NOXA1: variants seen among roughly 807,000 people sequenced by gnomAD.
The protein encoded by NOXA1 is NADPH oxidase activator 1.
A neutral mutation model predicts 64.8 loss-of-function variants in NOXA1; 56 were observed. The observed-to-expected ratio is 0.86, with a 90% CI of 0.70 to 1.08. The LOEUF (loss-of-function observed/expected upper bound fraction) is 1.08. Ranked by LOEUF, NOXA1 falls within the 50% of genes least tolerant of loss-of-function variation. NOXA1 has a pLI of 0.00. For synonymous variants in NOXA1, 295 were observed against 294.8 expected (o/e 1.00, Z -0.01); for missense variants, 668 against 658.5 (o/e 1.01, Z -0.16).
intron 3 of NOXA1, 92 bp from the exon 4 acceptor site, chr9:137,428,781 GGGGCTGGGT>G: frequency 7.9e-7 from 1 of 1,258,940 alleles, no homozygotes. Flanking sequence ...GACTGGGGGA[GGGGCTGGGT>G]GGGCAGACCG....
chr9:137,433,379 C>A, intron 10 of NOXA1, 74 bp from the exon 11 acceptor site: 3 of 1,516,398 alleles, frequency 2.0e-6, no homozygotes, highest in Non-Finnish European at 2.7e-6. Flanking sequence ...CTGTCCACAC[C>A]CCTCGGGCTG....
chr9:137,430,659 G>A, intron 5 of NOXA1, 125 bp from the exon 6 acceptor site: 1 of 711,472 alleles, frequency 1.4e-6, no homozygotes, highest in African/African-American at 1.8e-5. Flanking sequence ...ACGTGGGCCG[G>A]GCATGGGCAG....
intron 8 of NOXA1, among the ~76,000 whole-genome samples, chr9:137,432,497 G>A (rs562259460): frequency 5.3e-5 from 8 of 152,156 alleles, no homozygotes; most frequent in Middle Eastern, 3.4e-3. Flanking sequence ...GGAGAATGGC[G>A]TGAACCCAGG....
intron 8 of NOXA1, among the ~76,000 whole-genome samples, chr9:137,432,171 G>A (rs1030685156): frequency 4.0e-5 from 6 of 151,796 alleles, no homozygotes; most frequent in Admixed American, 3.3e-4. Context: ...TCCCAGCACC[G>A]TGGGAGGCTG....
In NOXA1 at chr9:137,433,436, C is replaced by A; in HGVS notation, c.910-17C>A. 8 of 1,588,586 alleles carry A rather than the reference C, an allele frequency of 5.0e-6. No homozygotes were observed. Among genetic ancestry groups the A allele is most frequent in the Non-Finnish European group, 6.8e-6 (8 of 1,170,126 alleles). ...TGGGCCTCAGCGACCACCCCTCCCC[C>A]TCCTGCCTGGACCCAGGGAGCAGGT... On this transcript the variant is annotated splice_polypyrimidine_tract_variant and intron_variant, in intron 10 of 13. Coordinates refer to ENST00000683555, the MANE Select transcript of NOXA1 (RefSeq NM_001256067.2).
At chr9:137,427,964 G>A in intron 2 of NOXA1, 69 bp from the exon 3 acceptor site, 1 of 1,092,306 alleles carries the variant, frequency 9.2e-7, no homozygotes, top group Non-Finnish European at 1.3e-6. Flanking sequence ...AGCGGGGCTG[G>A]TGTGAAAGCT....
chr9:137,426,964 T>C (rs760981321), intron 2 of NOXA1, among the ~76,000 whole-genome samples: 1 of 152,068 alleles, frequency 6.6e-6, no homozygotes, highest in Non-Finnish European at 1.5e-5. Flanking sequence ...GCCTGGCTAA[T>C]TTTTGTATTT....
chr9:137,428,072 G>A lies in NOXA1; in HGVS notation c.300G>A (p.Glu100=), dbSNP rs768659079. ...EALSDFWLAL[E]QLRGHAAIDY... ...TGTCTGACTTCTGGCTGGCCCTGGA[G>A]CAGCTGAGGGGCCACGCTGCCATCG... Residue 100 remains glutamate, a synonymous_variant, in exon 3 of 14, where the codon GAG becomes GAA. Transcript: ENST00000683555. The A allele has an allele frequency of 2.5e-6, 4 of 1,585,830 alleles. No homozygotes were observed. The African/African-American group carries it at 4.0e-5, about 16-fold the overall frequency.
chr9:137,427,991 A>G (rs2131878416), intron 2 of NOXA1, 42 bp from the exon 3 acceptor site: 1 of 1,389,720 alleles, frequency 7.2e-7, no homozygotes, highest in Non-Finnish European at 1.0e-6. Context: ...CCACAGCCCC[A>G]TCTCCGCCCT....
rs895929937 is a variant in NOXA1 at position 137,423,495 on chromosome 9, T to C, written c.-35T>C. The C allele has an allele frequency of 3.9e-6, 5 of 1,271,310 alleles. No individual in the cohort carries two copies. The African/African-American group carries it at 4.7e-5, about 12-fold the overall frequency. The allele number at this position is 1,271,310 out of a possible 1,614,324, so 78.8% of individuals were successfully genotyped here. On this transcript the variant is annotated 5_prime_UTR_variant, in exon 1 of 14. Transcript: ENST00000683555. ...CCCCGGCCCCGGCCCCTCCGCGGGA[T>C]CCTGGCCCCTCCTCGAGCGCCGCCA...
At position 137,433,074 on chromosome 9, in the gene NOXA1, G is replaced by A. The variant is rs765977006; in HGVS notation, c.850G>A (p.Gly284Arg). 9 of 1,612,756 alleles carry A rather than the reference G, an allele frequency of 5.6e-6. No homozygotes were observed. The highest frequency in any genetic ancestry group is 7.6e-6 in the Non-Finnish European group (9 of 1,179,914). ...TGGCAAACAGGCTCCTCTCTCCCCA[G>A]GTATGGGCGTCCTCAGCGGCGGGGT... is the stretch of plus-strand genomic sequence containing the variant. The part of the protein sequence containing the change: ...QVGKQAPLSP[G>R]LPAMGGPGPG... Residue 284 changes from glycine (G) to arginine (R), a missense_variant and splice_region_variant, in exon 9 of 14, where the codon GGG becomes AGG. Physicochemically the swap from Gly to Arg is moderately radical, Grantham distance 125. Coordinates refer to ENST00000683555, the MANE Select transcript of NOXA1 (RefSeq NM_001256067.2).
chr9:137,433,594 C>A lies in NOXA1; in HGVS notation c.1051C>A (p.Leu351Ile). The A allele has an allele frequency of 6.4e-7, 1 of 1,551,394 alleles. No homozygotes were observed. Among genetic ancestry groups the A allele is most frequent in the Admixed American group, 1.9e-5 (1 of 51,460 alleles). The stretch of plus-strand genomic sequence containing the variant: ...CCAAGCCCTCCCTCACCAGGCCCAG[C>A]TTGGGCAACTCAGGTGGGCCAGAAA... The part of the protein sequence containing the change: ...LGQALPHQAQ[L>I]GQLSYLAPGE... The change falls in exon 11 of 14, where the codon CTT (leucine) becomes ATT (isoleucine). Residue 351 changes from leucine to isoleucine, a missense_variant. Transcript: ENST00000683555.
In NOXA1 at chr9:137,433,534, G is replaced by A; in HGVS notation, c.991G>A (p.Gly331Arg). The change falls in exon 11 of 14, where the codon GGA becomes AGA. Residue 331 changes from glycine (G) to arginine (R), a missense_variant. Transcript: ENST00000683555. ...CACAGTGGCCCTGAGGGCACGAAGA[G>A]GAGCCGACCTGTCCAGCCTGCGGGC... The part of the protein sequence containing the change: ...AFTVALRARR[G>R]ADLSSLRALL... 1 of 1,591,230 alleles carries A rather than the reference G, an allele frequency of 6.3e-7. No individual in the cohort carries two copies. Among genetic ancestry groups the A allele is most frequent in the Non-Finnish European group, 8.5e-7 (1 of 1,172,266 alleles).
chr9:137,425,225 T>C (rs1276811187), intron 1 of NOXA1, among the ~76,000 whole-genome samples: 1 of 152,206 alleles, frequency 6.6e-6, no homozygotes, highest in Non-Finnish European at 1.5e-5. Flanking sequence ...ATTTAACTGA[T>C]GGCCACGGTC....
At position 137,430,429 on chromosome 9, in the gene NOXA1, G is replaced by A. The variant is rs904192932; in HGVS notation, c.613-355G>A. Among the ~76,000 whole-genome samples, 2 of 152,328 alleles carry A rather than the reference G, an allele frequency of 1.3e-5. 1 individual carries two copies. Among genetic ancestry groups the A allele is most frequent in the African/African-American group, 4.8e-5 (2 of 41,582 alleles). On this transcript the variant is annotated intron_variant, in intron 5 of 13. Transcript: ENST00000683555. ...CCCTCGGTCACCTGCGCTGCGCCAC[G>A]GCCGACTCCTGGGCCCAGTGCAGCT...
intron 1 of NOXA1, among the ~76,000 whole-genome samples, chr9:137,425,309 T>C (rs1376176738): frequency 2.0e-5 from 3 of 152,256 alleles, no homozygotes; most frequent in Non-Finnish European, 2.9e-5. Context: ...GATAAACACA[T>C]GAAGACGTGT....
chr9:137,433,609 T>C lies in NOXA1; in HGVS notation c.1064+2T>C, dbSNP rs999245169. The C allele has an allele frequency of 2.1e-5, 32 of 1,544,452 alleles. No homozygotes were observed. The highest frequency in any genetic ancestry group is 2.8e-5 in the Non-Finnish European group (32 of 1,145,114). On this transcript the variant is annotated splice_donor_variant, in intron 11 of 13. Transcript: ENST00000683555. LOFTEE classifies it high-confidence loss of function. ...CCAGGCCCAGCTTGGGCAACTCAGG[T>C]GGGCCAGAAAGCCCCCGGTGGCTGC...
chr9:137,433,057 AG>A lies in NOXA1; in HGVS notation c.835del (p.Ala279LeufsTer36). 6.2e-7 allele frequency: 1 copy of A among 1,612,828 alleles called. No individual in the cohort carries two copies. Among genetic ancestry groups the A allele is most frequent in the East Asian group, 2.2e-5 (1 of 44,866 alleles). ...QRPQVEQVGKQAPLSPGLPAM... is the reference protein window; with the variant it reads ...QRPQVEQVGKXAPLSPGLPAM... ...CCCCAGGTGGAGCAAGTTGGCAAACAGGCTCCTCTCTCCCCAGGTATGGGCG... is the reference window on the plus strand; with the variant it reads ...CCCCAGGTGGAGCAAGTTGGCAAACAGCTCCTCTCTCCCCAGGTATGGGCG... On this transcript the variant is annotated frameshift_variant, in exon 9 of 14. Coordinates refer to ENST00000683555, the MANE Select transcript of NOXA1 (RefSeq NM_001256067.2). LOFTEE classifies it high-confidence loss of function.
In NOXA1 at chr9:137,423,420, C is replaced by CGCA; in HGVS notation, c.-110_-109insGCA. On this transcript the variant is annotated 5_prime_UTR_variant, in exon 1 of 14. Transcript: ENST00000683555. ...CGGGGTTGCACCTGGCGCTTGGCGC[C>CGCA]CGCACCTCTGCCCGCCTCGGAGACC... 1 of 662,812 alleles carries CGCA rather than the reference C, an allele frequency of 1.5e-6. No homozygotes were observed. The highest frequency in any genetic ancestry group is 1.9e-5 in the African/African-American group (1 of 51,620). The allele number at this position is 662,812 out of a possible 1,614,324, so 41.1% of individuals were successfully genotyped here. A position where few individuals can be genotyped will look rare whatever the true frequency, so the allele number is the denominator to read the frequency against.
Sources: allele counts gnomAD v4.1 joint callset (sites outside exome capture counted in the v4.1 genomes callset), GRCh38; gene constraint gnomAD v4.1.1; transcripts MANE v1.5; gene names NCBI Gene and HGNC (gene_info 2026-07-23, HGNC 2026-07-21).